CTNNA3: variants seen among roughly 807,000 people sequenced by gnomAD.
The protein encoded by CTNNA3 is catenin alpha 3.
Under a neutral mutation model 95.7 loss-of-function variants are expected in CTNNA3, and 76 were observed. The observed-to-expected ratio is 0.79, with a 90% CI of 0.66 to 0.96. CTNNA3 has a LOEUF of 0.96. Ranked by LOEUF, CTNNA3 falls within the 40% of genes least tolerant of loss-of-function variation. CTNNA3 has a pLI of 0.00. For synonymous variants in CTNNA3, 431 were observed against 374.4 expected (o/e 1.15, Z -1.74); for missense variants, 1,191 against 1,089.8 (o/e 1.09, Z -1.31).
chr10:66,623,429 A>C (rs759833486), intron 9 of CTNNA3, among the ~76,000 whole-genome samples: 1 of 149,722 alleles, frequency 6.7e-6, no homozygotes, highest in South Asian at 2.2e-4. Context: ...TTTTGAAAGT[A>C]TACATTCTTC....
In CTNNA3 at chr10:66,360,780, TCTTTCTTC is replaced by T. The variant is rs1286127276; in HGVS notation, c.1732+18364_1732+18371del. ...CCTTCCTTCCTTCCTTTTCTTTCTT[TCTTTCTTC>T]CTTCCTTCCTTCCTTCCTTCCTTCC... On this transcript the variant is annotated intron_variant, in intron 12 of 17. Transcript: ENST00000433211. Among the ~76,000 whole-genome samples, 15 of 56,970 alleles carry T rather than the reference TCTTTCTTC, an allele frequency of 2.6e-4. 1 individual carries two copies. The highest frequency in any genetic ancestry group is 8.1e-4 in the African/African-American group (13 of 16,130). The allele number at this position is 56,970 out of a possible 152,430, so 37.4% of individuals were successfully genotyped here. A position where few individuals can be genotyped will look rare whatever the true frequency, so the allele number is the denominator to read the frequency against.
chr10:66,572,401 A>C (rs1435440253), intron 10 of CTNNA3, among the ~76,000 whole-genome samples: 1 of 151,846 alleles, frequency 6.6e-6, no homozygotes, highest in Non-Finnish European at 1.5e-5. Context: ...AAAAAATCTG[A>C]ATATGAATCT....
At chr10:67,536,707 T>A (rs778831400) in intron 4 of CTNNA3, among the ~76,000 whole-genome samples, 31 of 152,278 alleles carry the variant, frequency 2.0e-4, no homozygotes, top group Non-Finnish European at 3.5e-4. Flanking sequence ...TAAACAGGCT[T>A]CTTCATGGCA....
In CTNNA3 at chr10:66,540,313, T is replaced by C. The variant is rs138794395; in HGVS notation, c.1375-19540A>G. Among the ~76,000 whole-genome samples the C allele has an allele frequency of 6.6e-5, 10 of 152,288 alleles. No homozygotes were observed. The East Asian group carries it at 1.7e-3, about 26-fold the overall frequency. The stretch of plus-strand genomic sequence containing the variant: ...CACTTGAAATACAGGCAATTTGTTG[T>C]ACATGAAATTCACTTTGGAAGTTTC... On this transcript the variant is annotated intron_variant, in intron 10 of 17. Transcript: ENST00000433211.
At chr10:66,991,325 G>T (rs558162267) in intron 7 of CTNNA3, among the ~76,000 whole-genome samples, 1 of 152,010 alleles carries the variant, frequency 6.6e-6, no homozygotes, top group East Asian at 1.9e-4. Context: ...GAATTAGTTT[G>T]CTTTTCTGAA....
At chr10:67,566,044 T>TAC (rs1491114102) in intron 3 of CTNNA3, among the ~76,000 whole-genome samples, 6 of 45,738 alleles carry the variant, frequency 1.3e-4, no homozygotes, top group African/African-American at 4.5e-4. Context: ...TGTGTGTGTG[T>TAC]ATATATATAT....
intron 11 of CTNNA3, among the ~76,000 whole-genome samples, chr10:66,511,633 A>G (rs961563470): frequency 6.6e-6 from 1 of 151,826 alleles, no homozygotes; most frequent in African/African-American, 2.4e-5. Context: ...TTTGTCATTC[A>G]GGAGAATGTT....
At chr10:66,999,601 AATGCC>A (rs1851562407) in intron 7 of CTNNA3, among the ~76,000 whole-genome samples, 1 of 152,126 alleles carries the variant, frequency 6.6e-6, no homozygotes, top group Admixed American at 6.6e-5. Context: ...AATCCTATTA[AATGCC>A]AACCTATAAA....
At chr10:67,183,553 G>A (rs192834126) in intron 6 of CTNNA3, among the ~76,000 whole-genome samples, 2 of 151,780 alleles carry the variant, frequency 1.3e-5, no homozygotes, top group East Asian at 1.9e-4. Flanking sequence ...GTGGGAGGAG[G>A]GGGGAGGGAT....
intron 5 of CTNNA3, among the ~76,000 whole-genome samples, chr10:67,227,162 G>GCT (rs1333807250): frequency 6.7e-6 from 1 of 149,916 alleles, no homozygotes; most frequent in Non-Finnish European, 1.5e-5. Context: ...CGCAATCTCA[G>GCT]CTCACCACAA....
At chr10:66,127,311 G>GTGTAGATA (rs1174319551) in intron 13 of CTNNA3, among the ~76,000 whole-genome samples, 1 of 148,768 alleles carries the variant, frequency 6.7e-6, no homozygotes, top group Non-Finnish European at 1.5e-5. Context: ...AAACTTTATA[G>GTGTAGATA]TGTAGATACT....
At chr10:66,043,844 C>T (rs10996847) in intron 15 of CTNNA3, among the ~76,000 whole-genome samples, 28,142 of 152,070 alleles carry the variant, frequency 0.19, 2,782 homozygotes, top group Admixed American at 0.25. Context: ...CAAACTGACG[C>T]TCCTGAAATC....
intron 13 of CTNNA3, among the ~76,000 whole-genome samples, chr10:66,235,490 A>C (rs1458091513): frequency 6.6e-6 from 1 of 151,872 alleles, no homozygotes; most frequent in African/African-American, 2.4e-5. Flanking sequence ...TTATTTTATT[A>C]ATCATCATTG....
intron 1 of CTNNA3, among the ~76,000 whole-genome samples, chr10:67,658,821 T>C (rs1305120231): frequency 6.6e-6 from 1 of 152,162 alleles, no homozygotes; most frequent in Admixed American, 6.5e-5. Context: ...AACAAAACAA[T>C]ATTACATTTT....
At chr10:66,740,854 T>C (rs1849304208) in intron 9 of CTNNA3, among the ~76,000 whole-genome samples, 2 of 152,210 alleles carry the variant, frequency 1.3e-5, no homozygotes, top group African/African-American at 4.8e-5. Context: ...TTGAAGCTGA[T>C]ACATAATATG....
intron 8 of CTNNA3, among the ~76,000 whole-genome samples, chr10:66,773,952 T>G (rs1358555419): frequency 6.6e-6 from 1 of 152,124 alleles, no homozygotes; most frequent in African/African-American, 2.4e-5. Context: ...CATACAATAT[T>G]TGGGACATAA....
intron 9 of CTNNA3, among the ~76,000 whole-genome samples, chr10:66,694,139 C>A (rs1230370589): frequency 6.6e-6 from 1 of 152,082 alleles, no homozygotes; most frequent in African/African-American, 2.4e-5. Context: ...AATAGAGACA[C>A]AAAGTACCCT....
intron 13 of CTNNA3, among the ~76,000 whole-genome samples, chr10:66,250,152 GA>G (rs1363827576): frequency 3.9e-5 from 6 of 152,220 alleles, no homozygotes; most frequent in African/African-American, 1.4e-4. Context: ...GAAATAGAAA[GA>G]AATGAGTCAG....
chr10:66,929,845 T>G (rs1847273029), intron 7 of CTNNA3, among the ~76,000 whole-genome samples: 1 of 152,166 alleles, frequency 6.6e-6, no homozygotes, highest in Non-Finnish European at 1.5e-5. Flanking sequence ...CCACAGTCAA[T>G]TAAGGTTTTT....
Sources: allele counts gnomAD v4.1 joint callset (sites outside exome capture counted in the v4.1 genomes callset), GRCh38; gene constraint gnomAD v4.1.1; transcripts MANE v1.5; gene names NCBI Gene and HGNC (gene_info 2026-07-23, HGNC 2026-07-21).